The following DCC variants were observed in gnomAD, a reference collection of about 807,000 sequenced individuals.
DCC encodes netrin receptor DCC.
Under a neutral mutation model 172.5 loss-of-function variants are expected in DCC, and 58 were observed. The observed-to-expected ratio is 0.34, with a 90% confidence interval of 0.27 to 0.42. DCC has a LOEUF of 0.42. Among genes scored for constraint, DCC ranks in the 10% least tolerant of loss-of-function variants. The pLI is 1.00. For missense variants in DCC, 1,740 were observed against 1,791.0 expected (o/e 0.97, Z 0.51); for synonymous variants, 709 against 644.5 (o/e 1.10, Z -1.52).
chr18:53,250,522 A>G (rs1481401546), intron 12 of DCC, among the ~76,000 whole-genome samples: 1 of 151,746 alleles, frequency 6.6e-6, no homozygotes, highest in Non-Finnish European at 1.5e-5. Context: ...GTGTCTGCCC[A>G]GCTCCCAGAC....
chr18:52,610,178 A>AAAT (rs1568254205), intron 1 of DCC, among the ~76,000 whole-genome samples: 2 of 14,080 alleles, frequency 1.4e-4, no homozygotes, highest in African/African-American at 7.9e-4. Flanking sequence ...AAAAAAAAAA[A>AAAT]ATATATATAT....
chr18:53,512,762 A>T (rs1228587558), intron 27 of DCC, among the ~76,000 whole-genome samples: 4 of 148,664 alleles, frequency 2.7e-5, no homozygotes, highest in African/African-American at 7.7e-5. Flanking sequence ...GTTTAGAGAA[A>T]AAAGAATAAA....
intron 1 of DCC, among the ~76,000 whole-genome samples, chr18:52,341,997 G>C (rs1244045247): frequency 1.3e-5 from 2 of 152,174 alleles, no homozygotes; most frequent in African/African-American, 4.8e-5. Flanking sequence ...AACAGGGAAT[G>C]GCACATCAAT....
chr18:53,337,566 G>A (rs1010931256), intron 14 of DCC, among the ~76,000 whole-genome samples: 2 of 152,064 alleles, frequency 1.3e-5, no homozygotes, highest in Non-Finnish European at 2.9e-5. Context: ...TTTTTATGAT[G>A]TCTTTGCATA....
Position 52,973,381 on chromosome 18 carries a change from C to T in DCC, c.985+48011C>T, listed in dbSNP as rs189766132. Among the ~76,000 whole-genome samples, 253 of 152,104 alleles carry T rather than the reference C, an allele frequency of 1.7e-3. 1 individual carries two copies. The highest frequency in any genetic ancestry group is 5.7e-3 in the African/African-American group (237 of 41,508). On this transcript the variant is annotated intron_variant, in intron 5 of 28. Transcript: ENST00000442544. ...GTTTATTAAGTTGTACTAAATAATACGATGCTCATTTTATAGATTTTTCAA... is the reference window on the plus strand; with the variant it reads ...GTTTATTAAGTTGTACTAAATAATATGATGCTCATTTTATAGATTTTTCAA...
At chr18:52,521,664 G>T (rs934296430) in intron 1 of DCC, among the ~76,000 whole-genome samples, 1 of 152,180 alleles carries the variant, frequency 6.6e-6, no homozygotes, top group East Asian at 1.9e-4. Context: ...TCAGTTTGGG[G>T]GAGGTATACA....
intron 5 of DCC, among the ~76,000 whole-genome samples, chr18:53,028,909 A>AT (rs1176290967): frequency 3.9e-5 from 6 of 152,184 alleles, no homozygotes; most frequent in African/African-American, 1.2e-4. Context: ...AATGAAGAAA[A>AT]TTACCTTCTT....
chr18:53,532,870 G>A lies in DCC; in HGVS notation c.*2217G>A, dbSNP rs371891264. On this transcript the variant is annotated 3_prime_UTR_variant, in exon 29 of 29. Transcript: ENST00000442544. ...TTTCACAAATTTCTAGATCCTTCTA[G>A]TCAAAAATAATTATTTAGGAAATAA... The A allele has an allele frequency of 1.1e-4, 16 of 148,890 alleles. No homozygotes were observed. Among genetic ancestry groups the A allele is most frequent in the Admixed American group, 9.4e-4 (14 of 14,920 alleles). The allele number at this position is 148,890 out of a possible 1,614,324, so 9.2% of individuals were successfully genotyped here.
intron 22 of DCC, among the ~76,000 whole-genome samples, chr18:53,446,520 A>G (rs922280592): frequency 6.6e-6 from 1 of 152,094 alleles, no homozygotes; most frequent in Non-Finnish European, 1.5e-5. Context: ...TCCTAACTAC[A>G]CTAATCTAGG....
intron 1 of DCC, among the ~76,000 whole-genome samples, chr18:52,662,898 G>T (rs143795194): frequency 1.6e-4 from 25 of 152,210 alleles, no homozygotes; most frequent in African/African-American, 6.0e-4. Context: ...AACTCACTGG[G>T]TTTATTTTAT....
chr18:53,151,020 G>A (rs2144377561), intron 7 of DCC, among the ~76,000 whole-genome samples: 1 of 152,288 alleles, frequency 6.6e-6, no homozygotes, highest in South Asian at 2.1e-4. Context: ...GCTGAGTAGG[G>A]GGTATGACCA....
At chr18:52,890,949 G>A (rs2039641025) in intron 2 of DCC, among the ~76,000 whole-genome samples, 1 of 152,062 alleles carries the variant, frequency 6.6e-6, no homozygotes, top group Admixed American at 6.6e-5. Context: ...TCCTTGAAAA[G>A]CGGAATGACT....
At chr18:53,169,038 G>T (rs954567655) in intron 8 of DCC, among the ~76,000 whole-genome samples, 2 of 152,186 alleles carry the variant, frequency 1.3e-5, no homozygotes, top group Admixed American at 1.3e-4. Flanking sequence ...ATACATTTAA[G>T]TACCAACTAA....
chr18:53,162,894 C>A (rs901511879), intron 8 of DCC, among the ~76,000 whole-genome samples: 5 of 152,222 alleles, frequency 3.3e-5, no homozygotes, highest in Non-Finnish European at 2.9e-5. Context: ...TCTTTATCCA[C>A]TGAGCTATTC....
intron 12 of DCC, among the ~76,000 whole-genome samples, chr18:53,253,527 G>A (rs190487567): frequency 2.6e-5 from 4 of 152,016 alleles, no homozygotes; most frequent in East Asian, 1.9e-4. Flanking sequence ...GTGGCGTACC[G>A]CCTCAAATAA....
chr18:52,425,380 A>G (rs1987389668), intron 1 of DCC, among the ~76,000 whole-genome samples: 1 of 152,026 alleles, frequency 6.6e-6, no homozygotes, highest in African/African-American at 2.4e-5. Flanking sequence ...CTTGCGTTAG[A>G]CTGGTTCCCT....
chr18:53,429,996 C>T (rs1911506580), intron 21 of DCC, among the ~76,000 whole-genome samples: 1 of 152,040 alleles, frequency 6.6e-6, no homozygotes, highest in African/African-American at 2.4e-5. Context: ...TTATCAACTG[C>T]CTGGTAAACC....
intron 15 of DCC, among the ~76,000 whole-genome samples, chr18:53,381,719 AG>A (rs1017444897): frequency 2.6e-5 from 4 of 151,990 alleles, no homozygotes; most frequent in Non-Finnish European, 5.9e-5. Flanking sequence ...AATCTGTCCA[AG>A]GTTATAGACT....
At chr18:53,061,461 A>T (rs919851769) in intron 5 of DCC, among the ~76,000 whole-genome samples, 4 of 152,202 alleles carry the variant, frequency 2.6e-5, no homozygotes, top group Non-Finnish European at 4.4e-5. Context: ...TAATGTAGAC[A>T]TAATGATTTC....
Sources: gnomAD v4.1 joint callset for allele counts (sites outside exome capture counted in the v4.1 genomes callset) on GRCh38, gnomAD v4.1.1 for gene constraint, MANE v1.5 for transcripts, NCBI Gene and HGNC (gene_info 2026-07-23, HGNC 2026-07-21) for gene names.